RAD52: variants seen among roughly 807,000 people sequenced by gnomAD.
RAD52 encodes RAD52 DNA repair protein, also known as DNA repair protein RAD52 homolog.
Under a neutral mutation model 55.5 loss-of-function variants are expected in RAD52, and 47 were observed. That is an observed-to-expected ratio of 0.85 (90% CI 0.67 to 1.08). The LOEUF is 1.08. Among genes scored for constraint, RAD52 ranks in the 50% least tolerant of loss-of-function variants. The pLI, the probability that RAD52 is intolerant of heterozygous loss-of-function variation, is 0.00. For synonymous variants in RAD52, 184 were observed against 198.9 expected (o/e 0.92, Z 0.63); for missense variants, 468 against 522.8 (o/e 0.90, Z 1.02).
upstream of RAD52, chr12:991,100 T>TC (rs1156700126): frequency 6.7e-6 from 1 of 150,350 alleles, no homozygotes; most frequent in African/African-American, 2.4e-5. Context: ...CGCGTCACGC[T>TC]CCCGGGAGGC....
intron 1 of RAD52, among the ~76,000 whole-genome samples, chr12:935,857 A>AAAT (rs1957589948): frequency 9.7e-5 from 13 of 134,686 alleles, no homozygotes; most frequent in African/African-American, 3.3e-4. Flanking sequence ...CCGTCTCAAA[A>AAAT]AAATAAATAA....
upstream of RAD52, among the ~76,000 whole-genome samples, chr12:950,378 T>C: frequency 6.6e-6 from 1 of 151,796 alleles, no homozygotes; most frequent in Admixed American, 6.6e-5. Flanking sequence ...GAGACCAGCC[T>C]GGGCAACATG....
rs535880704 is a variant in RAD52, at chr12:947,842, C to T, written c.-19+1760G>A. 9.3e-4 allele frequency among the ~76,000 whole-genome samples: 135 copies of T among 144,610 alleles called. 1 individual carries two copies. The highest frequency in any genetic ancestry group is 3.3e-3 in the African/African-American group (126 of 38,682). 94.9% of individuals were successfully genotyped at this position (144,610 alleles called of 152,430 possible). On this transcript the variant is annotated intron_variant, in intron 1 of 11. Transcript: ENST00000358495. ...GGTGAGGTTGCAGTGAGCCCAGATA[C>T]GCCATTGCACTCCACCCTGGGCAAC...
At chr12:927,388 C>A in intron 5 of RAD52, 125 bp from the exon 6 acceptor site, 3 of 723,674 alleles carry the variant, frequency 4.1e-6, no homozygotes, top group South Asian at 3.2e-5. Context: ...TACAGGGGCA[C>A]GGGCAGAAGG....
At chr12:970,318 CAAAAAAAAA>C in intron 1 of RAD52, among the ~76,000 whole-genome samples, 1 of 67,182 alleles carries the variant, frequency 1.5e-5, no homozygotes, top group East Asian at 5.1e-4. Flanking sequence ...GACATCATCT[CAAAAAAAAA>C]AAAAAAAAAA....
intron 1 of RAD52, among the ~76,000 whole-genome samples, chr12:967,590 C>A (rs904935948): frequency 4.6e-5 from 7 of 151,826 alleles, no homozygotes; most frequent in Non-Finnish European, 1.0e-4. Flanking sequence ...CTGCCTATGT[C>A]ATTTAGTTTT....
At chr12:968,325 C>T (rs746421733) in intron 1 of RAD52, among the ~76,000 whole-genome samples, 1 of 152,020 alleles carries the variant, frequency 6.6e-6, no homozygotes, top group Non-Finnish European at 1.5e-5. Flanking sequence ...TCCCTGGCAG[C>T]CTTGGAAGCC....
chr12:963,252 T>A (rs1485397715), intron 1 of RAD52, among the ~76,000 whole-genome samples: 2 of 152,242 alleles, frequency 1.3e-5, no homozygotes, highest in Non-Finnish European at 2.9e-5. Context: ...CAAGGACTCC[T>A]GTAGCAGAGT....
chr12:960,950 G>C (rs971747140), intron 1 of RAD52, among the ~76,000 whole-genome samples: 6 of 152,060 alleles, frequency 3.9e-5, no homozygotes, highest in Non-Finnish European at 8.8e-5. Context: ...AGTATAAAGA[G>C]AAGGAGCCCC....
chr12:939,229 C>T (rs942797536), intron 1 of RAD52, among the ~76,000 whole-genome samples: 12 of 151,974 alleles, frequency 7.9e-5, no homozygotes, highest in Non-Finnish European at 1.8e-4. Context: ...CATGGCTCAC[C>T]GTACCCTCAA....
chr12:948,397 C>A (rs929830442), intron 1 of RAD52, among the ~76,000 whole-genome samples: 8 of 152,156 alleles, frequency 5.3e-5, no homozygotes, highest in African/African-American at 1.9e-4. Flanking sequence ...CTGAATTGCA[C>A]ACTTTAAAAG....
Position 911,995 on chromosome 12 carries a change from G to C in RAD52, c.*1396C>G, listed in dbSNP as rs1306160018. 5.2e-6 allele frequency: 1 copy of C among 193,452 alleles called. No homozygotes were observed. The highest frequency in any genetic ancestry group is 2.4e-5 in the African/African-American group (1 of 41,764). 12.0% of individuals were successfully genotyped at this position (193,452 alleles called of 1,614,324 possible). ...GTCAAGATGGCACCGCTGCACTCCAGCCTGCGCTACAGAGCCAGACCCCCC... is the reference window on the plus strand; with the variant it reads ...GTCAAGATGGCACCGCTGCACTCCACCCTGCGCTACAGAGCCAGACCCCCC... On this transcript the variant is annotated 3_prime_UTR_variant, in exon 12 of 12. Coordinates refer to ENST00000358495, the MANE Select transcript of RAD52 (RefSeq NM_134424.4).
At chr12:953,615 G>C (rs2154120235), upstream of RAD52, among the ~76,000 whole-genome samples, 1 of 152,306 alleles carries the variant, frequency 6.6e-6, no homozygotes, top group African/African-American at 2.4e-5. Flanking sequence ...GCCGTGCCAA[G>C]TTCTTTAATC....
At chr12:914,308 T>C in intron 10 of RAD52, 123 bp downstream of exon 10, 1 of 1,417,132 alleles carries the variant, frequency 7.1e-7, no homozygotes, top group Non-Finnish European at 9.5e-7. Flanking sequence ...GGACATATGC[T>C]ATCAGCCAGA....
intron 6 of RAD52, among the ~76,000 whole-genome samples, chr12:926,320 C>A (rs978197006): frequency 2.2e-5 from 3 of 133,702 alleles, no homozygotes; most frequent in Admixed American, 8.2e-5. Flanking sequence ...AAAGGGAGAC[C>A]CTGTCTCTCC....
intron 1 of RAD52, among the ~76,000 whole-genome samples, chr12:964,074 C>T (rs1248836589): frequency 1.3e-5 from 2 of 152,006 alleles, no homozygotes; most frequent in African/African-American, 4.8e-5. Flanking sequence ...GTCAAAGGCA[C>T]CAGGAGGCAA....
At chr12:945,510 T>C (rs1443600337) in intron 1 of RAD52, among the ~76,000 whole-genome samples, 1 of 151,236 alleles carries the variant, frequency 6.6e-6, no homozygotes, top group African/African-American at 2.4e-5. Flanking sequence ...CTCAGCTCAC[T>C]GCAACCTCCA....
At position 940,285 on chromosome 12, in the gene RAD52, A is replaced by T. The variant is rs377225451; in HGVS notation, c.-18-7209T>A. On this transcript the variant is annotated intron_variant, in intron 1 of 11. Coordinates refer to ENST00000358495, the MANE Select transcript of RAD52 (RefSeq NM_134424.4). ...TGAAAACGCAAGCCTTCTGGGAAGA[A>T]GGAGAAAAAGAATGAAAGGGTACCC... Among the ~76,000 whole-genome samples the T allele has an allele frequency of 1.6e-4, 25 of 151,972 alleles. No individual in the cohort carries two copies. In the East Asian group the frequency reaches 4.1e-3, roughly 25 times the overall value.
At chr12:973,139 G>A (rs987915527) in intron 1 of RAD52, among the ~76,000 whole-genome samples, 5 of 151,918 alleles carry the variant, frequency 3.3e-5, no homozygotes, top group African/African-American at 7.3e-5. Context: ...GCGCGATCTC[G>A]GCTCACTGCA....
Sources: gnomAD v4.1 joint callset for allele counts (sites outside exome capture counted in the v4.1 genomes callset) on GRCh38, gnomAD v4.1.1 for gene constraint, MANE v1.5 for transcripts, NCBI Gene and HGNC (gene_info 2026-07-23, HGNC 2026-07-21) for gene names.